SORCS2: variants seen among roughly 807,000 people sequenced by gnomAD.
The protein encoded by SORCS2 is sortilin related VPS10 domain containing receptor 2.
In SORCS2, 100 loss-of-function variants were observed where a neutral mutation model predicts 141.6. The observed-to-expected ratio is 0.71, with a 90% CI of 0.60 to 0.83. The LOEUF is 0.83. SORCS2 is among the 40% of genes least tolerant of loss of function. The pLI, the probability that SORCS2 is intolerant of heterozygous loss-of-function variation, is 0.00. For synonymous variants in SORCS2, 789 were observed against 676.9 expected, an observed-to-expected ratio of 1.17 and a Z score of -2.57; for missense variants, 1,646 against 1,560.2, an observed-to-expected ratio of 1.05 and a Z score of -0.93.
intron 1 of SORCS2, among the ~76,000 whole-genome samples, chr4:7,287,435 G>C (rs1716302577): frequency 6.6e-6 from 1 of 152,260 alleles, no homozygotes; most frequent in African/African-American, 2.4e-5. Context: ...ACTGGGAGCT[G>C]GGCGTGGGGG....
At chr4:7,348,381 C>T (rs756191336) in intron 1 of SORCS2, among the ~76,000 whole-genome samples, 4 of 152,172 alleles carry the variant, frequency 2.6e-5, no homozygotes, top group Non-Finnish European at 4.4e-5. Context: ...TGTCGGACAC[C>T]GCTCTTAGAG....
intron 14 of SORCS2, among the ~76,000 whole-genome samples, chr4:7,706,190 T>C (rs1463128294): frequency 1.0e-3 from 93 of 88,846 alleles, no homozygotes; most frequent in Admixed American, 2.1e-3. Context: ...CTGGGCTCCG[T>C]CTGGGCAGGG....
intron 2 of SORCS2, among the ~76,000 whole-genome samples, chr4:7,426,908 GAACCCGGAT>G (rs963136745): frequency 6.6e-6 from 1 of 152,216 alleles, no homozygotes; most frequent in African/African-American, 2.4e-5. Context: ...AGCGGGGCCT[GAACCCGGAT>G]AACAGTGGGG....
At chr4:7,587,404 C>T (rs1716607463) in intron 3 of SORCS2, among the ~76,000 whole-genome samples, 1 of 152,208 alleles carries the variant, frequency 6.6e-6, no homozygotes, top group South Asian at 2.1e-4. Context: ...CCCTCACACA[C>T]CTGCCACCCC....
rs1045807543 is a variant in SORCS2, at chr4:7,511,878, A to G, written c.549-19652A>G. 3.3e-5 allele frequency among the ~76,000 whole-genome samples: 5 copies of G among 152,080 alleles called. No individual in the cohort carries two copies. In the East Asian group the frequency reaches 9.7e-4, roughly 29 times the overall value. ...CTGTCTTCAGGGGGGAAATGTCCCT[A>G]ATGGAAAGGAAAACAGAACTGACAT... is the stretch of plus-strand genomic sequence containing the variant. On this transcript the variant is annotated intron_variant, in intron 2 of 26. Coordinates refer to ENST00000507866, the MANE Select transcript of SORCS2 (RefSeq NM_020777.3).
intron 2 of SORCS2, among the ~76,000 whole-genome samples, chr4:7,454,880 G>A (rs1728771656): frequency 7.2e-6 from 1 of 139,684 alleles, no homozygotes; most frequent in Admixed American, 7.1e-5. Flanking sequence ...GCTGTGTGTT[G>A]GGGTCAGGTG....
At chr4:7,518,613 G>A (rs1402153401) in intron 2 of SORCS2, among the ~76,000 whole-genome samples, 6 of 152,156 alleles carry the variant, frequency 3.9e-5, no homozygotes, top group East Asian at 1.9e-4. Context: ...TGGGGACAAC[G>A]TGGGGCCAGT....
intron 2 of SORCS2, among the ~76,000 whole-genome samples, chr4:7,403,977 A>G (rs1454082153): frequency 0.36 from 5,399 of 14,820 alleles, 447 homozygotes; most frequent in South Asian, 0.53. Flanking sequence ...ATATATATAT[A>G]TATATATATA....
At chr4:7,418,703 C>CCT (rs1553859441) in intron 2 of SORCS2, among the ~76,000 whole-genome samples, 5 of 36,982 alleles carry the variant, frequency 1.4e-4, no homozygotes, top group Admixed American at 2.8e-4. Flanking sequence ...TAACAAATGA[C>CCT]CCCCCCCCCC....
chr4:7,729,844 C>A, intron 23 of SORCS2, 132 bp downstream of exon 23: 1 of 1,335,894 alleles, frequency 7.5e-7, no homozygotes, highest in Non-Finnish European at 1.0e-6. Context: ...CAGTCTGACT[C>A]AGGGTGGCTT....
intron 22 of SORCS2, among the ~76,000 whole-genome samples, chr4:7,728,915 G>T (rs1348261653): frequency 6.6e-6 from 1 of 152,172 alleles, no homozygotes; most frequent in Non-Finnish European, 1.5e-5. Context: ...CACACCCAAG[G>T]CCCTTGGCCC....
intron 2 of SORCS2, among the ~76,000 whole-genome samples, chr4:7,448,542 TCCTC>T (rs369529903): frequency 1.5e-3 from 178 of 116,480 alleles, no homozygotes; most frequent in African/African-American, 5.6e-3. Context: ...CTTCCTTCCT[TCCTC>T]CCTCCCTTTC....
At chr4:7,609,388 A>T (rs6857646) in intron 3 of SORCS2, among the ~76,000 whole-genome samples, 55,721 of 151,926 alleles carry the variant, frequency 0.37, 10,928 homozygotes, top group African/African-American at 0.48. Flanking sequence ...TGCCCTGTGG[A>T]TCAATGTGGC....
At chr4:7,221,853 G>A (rs564278387) in intron 1 of SORCS2, among the ~76,000 whole-genome samples, 1 of 152,322 alleles carries the variant, frequency 6.6e-6, no homozygotes, top group South Asian at 2.1e-4. Flanking sequence ...TTTTCTGAGT[G>A]TTTGGCCCTG....
intron 2 of SORCS2, among the ~76,000 whole-genome samples, chr4:7,517,087 C>T (rs1051781306): frequency 6.6e-6 from 1 of 152,204 alleles, no homozygotes; most frequent in African/African-American, 2.4e-5. Flanking sequence ...GATTTGTCAT[C>T]GCCATGATTA....
At chr4:7,677,926 C>T (rs1021961236) in intron 9 of SORCS2, among the ~76,000 whole-genome samples, 1 of 152,134 alleles carries the variant, frequency 6.6e-6, no homozygotes, top group Non-Finnish European at 1.5e-5. Context: ...CACAGACCTG[C>T]CTCCGGAAGG....
intron 1 of SORCS2, among the ~76,000 whole-genome samples, chr4:7,298,336 G>A (rs530698142): frequency 1.3e-5 from 2 of 152,192 alleles, no homozygotes; most frequent in African/African-American, 4.8e-5. Context: ...AAGGGAGTAT[G>A]GGAAGTTGGA....
intron 1 of SORCS2, among the ~76,000 whole-genome samples, chr4:7,368,524 G>T (rs1459455798): frequency 6.6e-6 from 1 of 152,286 alleles, no homozygotes; most frequent in African/African-American, 2.4e-5. Flanking sequence ...CCATCACCAT[G>T]CTGGGTGCCA....
In SORCS2 at chr4:7,520,651, G is replaced by C. The variant is rs561041963; in HGVS notation, c.549-10879G>C. On this transcript the variant is annotated intron_variant, in intron 2 of 26. Coordinates refer to ENST00000507866, the MANE Select transcript of SORCS2 (RefSeq NM_020777.3). ...GCGTGGATGCAGAGAGGTGGGCACA[G>C]GCACCGGGGGTGGCCCTAGGGGTGC... 4.0e-3 allele frequency among the ~76,000 whole-genome samples: 608 copies of C among 152,310 alleles called. 2 individuals are homozygous for C. The highest frequency in any genetic ancestry group is 6.1e-3 in the Non-Finnish European group (413 of 68,016).
Sources: allele counts gnomAD v4.1 joint callset (sites outside exome capture counted in the v4.1 genomes callset), GRCh38; gene constraint gnomAD v4.1.1; transcripts MANE v1.5; gene names NCBI Gene and HGNC (gene_info 2026-07-23, HGNC 2026-07-21).